The following TBC1D2B variants were observed in gnomAD, a reference collection of about 807,000 sequenced individuals.
TBC1D2B encodes TBC1 domain family, member 2B.
In TBC1D2B, 64 loss-of-function variants were observed where a neutral mutation model predicts 100.8. The ratio of observed to expected loss-of-function variants is 0.64; its 90% CI spans 0.52 to 0.78. The LOEUF (loss-of-function observed/expected upper bound fraction) is 0.78, where lower values mean the gene tolerates loss of function less well. Ranked by LOEUF, TBC1D2B falls within the 30% of genes least tolerant of loss-of-function variation. The pLI is 0.00. For synonymous variants in TBC1D2B, 480 were observed against 479.7 expected (o/e 1.00, Z -0.01); for missense variants, 1,052 against 1,218.4 (o/e 0.86, Z 2.03).
At chr15:78,058,722 C>T (rs1298028507) in intron 1 of TBC1D2B, among the ~76,000 whole-genome samples, 1 of 152,168 alleles carries the variant, frequency 6.6e-6, no homozygotes, top group Non-Finnish European at 1.5e-5. Context: ...ACCATCTGCC[C>T]CCCACCCCTC....
At chr15:78,051,385 A>G (rs1322295917) in intron 2 of TBC1D2B, among the ~76,000 whole-genome samples, 1 of 152,194 alleles carries the variant, frequency 6.6e-6, no homozygotes, top group African/African-American at 2.4e-5. Flanking sequence ...CAATTCCCAG[A>G]GCCACAGTTT....
At chr15:78,011,381 C>T (rs1455605670) in intron 9 of TBC1D2B, among the ~76,000 whole-genome samples, 1 of 152,124 alleles carries the variant, frequency 6.6e-6, no homozygotes. Flanking sequence ...CCATAACAAA[C>T]GTCAGCACTC....
chr15:78,062,168 G>A (rs1044609988), intron 1 of TBC1D2B, among the ~76,000 whole-genome samples: 14 of 152,216 alleles, frequency 9.2e-5, no homozygotes, highest in Non-Finnish European at 1.9e-4. Context: ...CTGATTATAA[G>A]AGGGCTGATT....
chr15:78,030,420 G>T (rs564579401), intron 3 of TBC1D2B, among the ~76,000 whole-genome samples: 2 of 152,112 alleles, frequency 1.3e-5, no homozygotes, highest in East Asian at 3.9e-4. Flanking sequence ...GCCTGCCTCA[G>T]CCTCCCTGAG....
At chr15:78,065,956 A>G in intron 1 of TBC1D2B, 1 of 466,964 alleles carries the variant, frequency 2.1e-6, no homozygotes, top group Non-Finnish European at 4.5e-6. Context: ...CAGGAGTATC[A>G]GATGGTCGTC....
intron 7 of TBC1D2B, chr15:78,017,262 G>A (rs1385811267): frequency 1.3e-5 from 2 of 153,706 alleles, no homozygotes; most frequent in Non-Finnish European, 2.9e-5. Flanking sequence ...CTGTTGACAA[G>A]TATCATTTGA....
In TBC1D2B at chr15:78,012,872, C is replaced by T. The variant is rs531931885; in HGVS notation, c.2221G>A (p.Ala741Thr). Residue 741 changes from alanine (A) to threonine (T), a missense_variant, in exon 9 of 13, where the codon GCC (alanine) becomes ACC (threonine). By Grantham distance (58) the Ala-to-Thr change is moderately conservative. Around this residue, in one of 4 missense-constraint regions of TBC1D2B, gnomAD observed 373 missense variants for 464.9 expected, o/e 0.80. Coordinates refer to ENST00000300584, the MANE Select transcript of TBC1D2B (RefSeq NM_144572.2). ...GIQKLRNVLL[A>T]FSWRNPDIGY... ...ATATCTGGATTCCGCCAGGAGAAGG[C>T]GAGGAGGACATTGCGTAACTTCTGT... The T allele has an allele frequency of 2.0e-6, 3 of 1,517,854 alleles. No homozygotes were observed. Among genetic ancestry groups the T allele is most frequent in the South Asian group, 2.7e-5 (2 of 74,388 alleles). The allele number at this position is 1,517,854 out of a possible 1,614,324, so 94.0% of individuals were successfully genotyped here. A position where few individuals can be genotyped will look rare whatever the true frequency, so the allele number is the denominator to read the frequency against.
chr15:78,029,937 G>C, intron 4 of TBC1D2B, 70 bp downstream of exon 4: 1 of 1,311,544 alleles, frequency 7.6e-7, no homozygotes, highest in Non-Finnish European at 1.0e-6. Flanking sequence ...CTAATAATGT[G>C]TCTCCACATC....
At chr15:78,060,060 G>A (rs1239603480) in intron 1 of TBC1D2B, among the ~76,000 whole-genome samples, 1 of 152,120 alleles carries the variant, frequency 6.6e-6, no homozygotes, top group Admixed American at 6.5e-5. Flanking sequence ...CACATTCTTT[G>A]ACCCACAATT....
chr15:78,076,613 G>A (rs973605066), intron 1 of TBC1D2B, among the ~76,000 whole-genome samples: 3 of 151,960 alleles, frequency 2.0e-5, no homozygotes, highest in Non-Finnish European at 4.4e-5. Flanking sequence ...TTAGCCAGGC[G>A]TGGTGGCCCG....
chr15:78,054,357 C>T (rs1025533738), intron 1 of TBC1D2B, among the ~76,000 whole-genome samples, 170 bp from the exon 2 acceptor site: 1 of 152,186 alleles, frequency 6.6e-6, no homozygotes, highest in Non-Finnish European at 1.5e-5. Flanking sequence ...ATGAGTTGGT[C>T]AAGCAAATAG....
At chr15:78,013,997 T>C (rs2072303925) in intron 8 of TBC1D2B, among the ~76,000 whole-genome samples, 1 of 152,170 alleles carries the variant, frequency 6.6e-6, no homozygotes, top group African/African-American at 2.4e-5. Context: ...GGGCTGGACC[T>C]GCTGCTGCTG....
chr15:78,040,855 G>GAAAGAAAGA (rs2073070158), intron 3 of TBC1D2B, among the ~76,000 whole-genome samples: 3 of 74,668 alleles, frequency 4.0e-5, no homozygotes, highest in Non-Finnish European at 2.7e-5. Flanking sequence ...AGAAAGAAAG[G>GAAAGAAAGA]AAGAAAGAAA....
rs2141657274 is a variant in TBC1D2B, at chr15:78,012,828, T to C, written c.2265A>G (p.Leu755=). 6.6e-7 allele frequency: 1 copy of C among 1,507,482 alleles called. No homozygotes were observed. Among genetic ancestry groups the C allele is most frequent in the Non-Finnish European group, 8.9e-7 (1 of 1,128,888 alleles). The allele number at this position is 1,507,482 out of a possible 1,614,324, so 93.4% of individuals were successfully genotyped here. A position where few individuals can be genotyped will look rare whatever the true frequency, so the allele number is the denominator to read the frequency against. Residue 755 remains leucine, a synonymous_variant, in exon 9 of 13, where the codon CTA becomes CTG. Coordinates refer to ENST00000300584, the MANE Select transcript of TBC1D2B (RefSeq NM_144572.2). ...RNPDIGYCQG[L]NRLVAVALLY... ...ATTTTGTGCTGTGCACCCACCTGTTTAGGCCTTGACAGTAGCCGATATCTG... is the reference window on the plus strand; with the variant it reads ...ATTTTGTGCTGTGCACCCACCTGTTCAGGCCTTGACAGTAGCCGATATCTG...
At chr15:78,068,383 C>CACACACACA (rs2073693270) in intron 1 of TBC1D2B, among the ~76,000 whole-genome samples, 36 of 143,108 alleles carry the variant, frequency 2.5e-4, no homozygotes, top group Non-Finnish European at 4.1e-4. Context: ...CACACCACAC[C>CACACACACA]CACACACACA....
chr15:78,040,328 G>C (rs977461577), intron 3 of TBC1D2B, among the ~76,000 whole-genome samples: 6 of 152,164 alleles, frequency 3.9e-5, no homozygotes, highest in South Asian at 2.1e-4. Flanking sequence ...ACCTGTAAAG[G>C]TGTATGTAAA....
chr15:78,029,796 AC>A (rs2072762652), intron 4 of TBC1D2B, among the ~76,000 whole-genome samples: 1 of 152,218 alleles, frequency 6.6e-6, no homozygotes, highest in South Asian at 2.1e-4. Context: ...CCCTCAAAAA[AC>A]TGAGCCATTG....
At position 78,025,150 on chromosome 15, in the gene TBC1D2B, G is replaced by C. The variant is rs765316060; in HGVS notation, c.1086+109C>G. On this transcript the variant is annotated intron_variant, in intron 5 of 12. Transcript: ENST00000300584. ...CCTCCAGGGGAAAAGCAACTCCTGG[G>C]AAACAAAGCTGTCCCCAGAAAGACT... 5.4e-6 allele frequency: 5 copies of C among 929,888 alleles called. No individual in the cohort carries two copies. The South Asian group carries it at 8.3e-5, about 15-fold the overall frequency. 57.6% of individuals were successfully genotyped at this position (929,888 alleles called of 1,614,324 possible).
At chr15:78,025,117 A>G (rs942505495) in intron 5 of TBC1D2B, 142 bp downstream of exon 5, 10 of 671,096 alleles carry the variant, frequency 1.5e-5, no homozygotes, top group Non-Finnish European at 2.3e-5. Flanking sequence ...CGCCATGGCA[A>G]TATGAAACCT....
Sources: gnomAD v4.1 joint callset for allele counts (sites outside exome capture counted in the v4.1 genomes callset) on GRCh38, gnomAD v4.1.1 for gene constraint, gnomAD v4.1.1 regional missense constraint, MANE v1.5 for transcripts, NCBI Gene and HGNC (gene_info 2026-07-23, HGNC 2026-07-21) for gene names.